Variants in VTI1A observed in about 807,000 individuals in gnomAD.
VTI1A encodes the protein vesicle transport through interaction with t-SNAREs 1A.
Under a neutral mutation model 34.9 loss-of-function variants are expected in VTI1A, and 22 were observed. That is an observed-to-expected ratio of 0.63 (90% CI 0.45 to 0.90). The LOEUF (loss-of-function observed/expected upper bound fraction) is 0.90, where lower values mean the gene tolerates loss of function less well. VTI1A is among the 40% of genes least tolerant of loss of function. The pLI is 0.00. For missense variants in VTI1A, 268 were observed against 275.6 expected, an observed-to-expected ratio of 0.97 and a Z score of 0.20; for synonymous variants, 87 against 97.3, an observed-to-expected ratio of 0.89 and a Z score of 0.62.
intron 5 of VTI1A, among the ~76,000 whole-genome samples, chr10:112,625,640 C>CAGAAAAAAAAAAAA (rs1845893079): frequency 1.2e-5 from 1 of 82,608 alleles, no homozygotes. Flanking sequence ...AACTCTGTCT[C>CAGAAAAAAAAAAAA]AAAAAAAAAA....
At chr10:112,851,058 A>C in the VTI1A span, among the ~76,000 whole-genome samples, 1 of 152,350 alleles carries the variant, frequency 6.6e-6, no homozygotes, top group East Asian at 1.9e-4. Context: ...CTCTGCTTTC[A>C]CATGGAAGAT....
At chr10:112,465,366 A>G (rs899903208) in intron 3 of VTI1A, among the ~76,000 whole-genome samples, 1 of 152,244 alleles carries the variant, frequency 6.6e-6, no homozygotes, top group Non-Finnish European at 1.5e-5. Context: ...GTATATGTCC[A>G]AAAACAAATT....
chr10:112,843,391 A>C, the VTI1A span, among the ~76,000 whole-genome samples: 2 of 152,194 alleles, frequency 1.3e-5, no homozygotes, highest in Non-Finnish European at 2.9e-5. Flanking sequence ...TACTGTGTGG[A>C]AAATAATTTT....
chr10:112,454,687 A>G (rs1354752738), intron 1 of VTI1A, among the ~76,000 whole-genome samples: 1 of 149,954 alleles, frequency 6.7e-6, no homozygotes, highest in Non-Finnish European at 1.5e-5. Context: ...GTGTATGTAC[A>G]TCAGCACTTA....
intron 5 of VTI1A, among the ~76,000 whole-genome samples, chr10:112,661,836 C>G (rs530302121): frequency 1.4e-5 from 2 of 147,224 alleles, no homozygotes; most frequent in African/African-American, 5.0e-5. Context: ...GGCACAATCT[C>G]GACTCACTGC....
At chr10:112,791,594 G>T (rs936951846) in intron 7 of VTI1A, among the ~76,000 whole-genome samples, 3 of 152,128 alleles carry the variant, frequency 2.0e-5, no homozygotes, top group Middle Eastern at 6.8e-3. Flanking sequence ...CCCAATTGCT[G>T]CCAAGAAAAC....
intron 7 of VTI1A, among the ~76,000 whole-genome samples, chr10:112,671,561 A>T (rs556438436): frequency 6.6e-6 from 1 of 152,320 alleles, no homozygotes; most frequent in South Asian, 2.1e-4. Context: ...AAATTTTTTA[A>T]ACCTTGATTG....
At chr10:112,560,618 G>A (rs1186679441) in intron 5 of VTI1A, among the ~76,000 whole-genome samples, 9 of 134,568 alleles carry the variant, frequency 6.7e-5, no homozygotes, top group East Asian at 2.1e-4. Context: ...TTTTTTTTGC[G>A]ATGGAGTCTC....
the VTI1A span, chr10:112,832,100 A>C: frequency 6.6e-6 from 1 of 152,218 alleles, no homozygotes; most frequent in Non-Finnish European, 1.5e-5. Context: ...AACTTTTACA[A>C]GGGAGACTTA....
intron 3 of VTI1A, among the ~76,000 whole-genome samples, chr10:112,499,881 G>A (rs183255294): frequency 6.6e-6 from 1 of 152,186 alleles, no homozygotes; most frequent in East Asian, 1.9e-4. Context: ...GGGCCACATG[G>A]TCACTCTCTT....
chr10:112,714,725 C>A (rs1849543984), intron 7 of VTI1A, among the ~76,000 whole-genome samples: 1 of 152,148 alleles, frequency 6.6e-6, no homozygotes, highest in Non-Finnish European at 1.5e-5. Context: ...AGATGGGTGC[C>A]CAGGCACAGG....
intron 7 of VTI1A, chr10:112,737,907 A>G: frequency 9.4e-7 from 1 of 1,062,576 alleles, no homozygotes; most frequent in South Asian, 4.6e-5. Flanking sequence ...TGTGAGGGAG[A>G]GAGCTGAGGA....
intron 7 of VTI1A, among the ~76,000 whole-genome samples, chr10:112,700,273 C>T (rs900809699): frequency 1.3e-5 from 2 of 152,030 alleles, no homozygotes; most frequent in African/African-American, 4.8e-5. Context: ...GTTACTGGTC[C>T]CTTGATACCT....
chr10:112,755,633 C>T (rs1452657723), intron 7 of VTI1A, among the ~76,000 whole-genome samples: 2 of 152,178 alleles, frequency 1.3e-5, no homozygotes, highest in Admixed American at 1.3e-4. Context: ...TGCCTCCAGG[C>T]CCTGTAGCCT....
intron 3 of VTI1A, among the ~76,000 whole-genome samples, chr10:112,474,385 A>G (rs117013077): frequency 4.5e-4 from 68 of 150,570 alleles, no homozygotes; most frequent in Admixed American, 7.3e-4. Context: ...GTACTACTCT[A>G]TTTATATATT....
rs147693408 is a variant in VTI1A at position 112,687,926 on chromosome 10, C to A, written c.560+18928C>A. On this transcript the variant is annotated intron_variant, in intron 7 of 7. Coordinates refer to ENST00000393077, the MANE Select transcript of VTI1A (RefSeq NM_145206.4). ...ATGAACCAATGGACATGATATGGAA[C>A]CATCCTGGCCGGTGACCAAGTCTTT... 4.6e-3 allele frequency among the ~76,000 whole-genome samples: 696 copies of A among 151,036 alleles called. 6 individuals carry two copies. Among genetic ancestry groups the A allele is most frequent in the African/African-American group, 0.016 (667 of 41,100 alleles).
chr10:112,738,150 C>G (rs531242370), intron 7 of VTI1A, among the ~76,000 whole-genome samples: 1 of 152,158 alleles, frequency 6.6e-6, no homozygotes, highest in Non-Finnish European at 1.5e-5. Context: ...CAGTCTGATT[C>G]GTTGTCTTAC....
At chr10:112,663,890 G>A (rs760074182) in intron 5 of VTI1A, among the ~76,000 whole-genome samples, 4 of 152,182 alleles carry the variant, frequency 2.6e-5, no homozygotes, top group Admixed American at 6.5e-5. Context: ...TCTGGTTGGT[G>A]TTCTGCAATA....
At chr10:112,700,864 C>T (rs1848985846) in intron 7 of VTI1A, among the ~76,000 whole-genome samples, 1 of 152,148 alleles carries the variant, frequency 6.6e-6, no homozygotes, top group South Asian at 2.1e-4. Context: ...TCTGTTCCAC[C>T]ACTTTGGTTA....
Sources: gnomAD v4.1 joint callset for allele counts (sites outside exome capture counted in the v4.1 genomes callset) on GRCh38, gnomAD v4.1.1 for gene constraint, MANE v1.5 for transcripts, NCBI Gene and HGNC (gene_info 2026-07-23, HGNC 2026-07-21) for gene names.